TOP6BL: variants seen among roughly 807,000 people sequenced by gnomAD.
TOP6BL encodes the protein type 2 DNA topoisomerase 6 subunit B-like.
chr11:66,762,537 T>G, the TOP6BL span: 1 of 194,302 alleles, frequency 5.1e-6, no homozygotes, highest in African/African-American at 2.4e-5. Context: ...GGGCGAGATC[T>G]TGGTTCACTG....
At chr11:66,781,849 A>C in the TOP6BL span, among the ~76,000 whole-genome samples, 39 of 152,166 alleles carry the variant, frequency 2.6e-4, no homozygotes, top group African/African-American at 9.4e-4. Flanking sequence ...TGTTTCTATT[A>C]GTTGCTTTTT....
chr11:66,744,818 G>GC, the TOP6BL span: 285 of 1,292,588 alleles, frequency 2.2e-4, 2 homozygotes, highest in Non-Finnish European at 2.5e-4. Flanking sequence ...GGCTGAGGAG[G>GC]GGGCGGCGGC....
the TOP6BL span, among the ~76,000 whole-genome samples, chr11:66,792,539 G>C: frequency 1.2e-3 from 178 of 152,270 alleles, 1 homozygote; most frequent in African/African-American, 4.0e-3. Flanking sequence ...TTTTTGGAGA[G>C]GCAGCATTGG....
At chr11:66,825,341 A>G in the TOP6BL span, among the ~76,000 whole-genome samples, 5 of 150,914 alleles carry the variant, frequency 3.3e-5, no homozygotes, top group Non-Finnish European at 7.4e-5. Context: ...TACAAAAAAA[A>G]TTAGCCAGGC....
chr11:66,837,706 A>G, the TOP6BL span, among the ~76,000 whole-genome samples: 2 of 151,850 alleles, frequency 1.3e-5, no homozygotes, highest in Non-Finnish European at 2.9e-5. Flanking sequence ...CGGCCTCCCA[A>G]AGTGCTGGGA....
the TOP6BL span, among the ~76,000 whole-genome samples, chr11:66,829,469 G>A: frequency 2.0e-5 from 3 of 152,068 alleles, no homozygotes; most frequent in Non-Finnish European, 4.4e-5. Context: ...CAGCTACTTA[G>A]GAGGCTGAGG....
chr11:66,794,337 C>A, the TOP6BL span, among the ~76,000 whole-genome samples: 1 of 151,594 alleles, frequency 6.6e-6, no homozygotes, highest in African/African-American at 2.4e-5. Context: ...TTTTGGAGTT[C>A]TGCATTTTCT....
the TOP6BL span, among the ~76,000 whole-genome samples, chr11:66,789,186 T>A: frequency 6.6e-6 from 1 of 152,202 alleles, no homozygotes; most frequent in Non-Finnish European, 1.5e-5. Context: ...CAAGCCCTTA[T>A]TTGAATTTGG....
the TOP6BL span, among the ~76,000 whole-genome samples, chr11:66,798,080 G>C: frequency 6.6e-6 from 1 of 152,118 alleles, no homozygotes; most frequent in African/African-American, 2.4e-5. Flanking sequence ...TAAATAACTT[G>C]AAGAGTCAGG....
At chr11:66,756,621 T>G in the TOP6BL span, 6 of 794,462 alleles carry the variant, frequency 7.6e-6, no homozygotes, top group Non-Finnish European at 9.2e-6. Flanking sequence ...AAGATGACAG[T>G]AGAGACTTAT....
chr11:66,815,499 T>C, the TOP6BL span, among the ~76,000 whole-genome samples: 6 of 152,184 alleles, frequency 3.9e-5, no homozygotes, highest in Non-Finnish European at 5.9e-5. Flanking sequence ...AGAACAGGTT[T>C]TTTAGTCAGT....
At chr11:66,752,358 C>T in the TOP6BL span, among the ~76,000 whole-genome samples, 8 of 152,248 alleles carry the variant, frequency 5.3e-5, no homozygotes, top group African/African-American at 1.9e-4. Context: ...GCATTATTTT[C>T]TAACTTAAGG....
chr11:66,763,002 A>G, the TOP6BL span, among the ~76,000 whole-genome samples: 2 of 152,238 alleles, frequency 1.3e-5, no homozygotes, highest in African/African-American at 2.4e-5. Flanking sequence ...CCCAGTAGTT[A>G]GAGACTAGCC....
chr11:66,786,487 A>T, the TOP6BL span, among the ~76,000 whole-genome samples: 1 of 152,170 alleles, frequency 6.6e-6, no homozygotes, highest in African/African-American at 2.4e-5. Flanking sequence ...ACTGTAGTCA[A>T]CCTATCTGGA....
chr11:66,778,690 A>T, the TOP6BL span, among the ~76,000 whole-genome samples: 1 of 152,180 alleles, frequency 6.6e-6, no homozygotes, highest in African/African-American at 2.4e-5. Flanking sequence ...ACCAAAAAAG[A>T]ACCCGCATTG....
At chr11:66,839,139 A>T in the TOP6BL span, 2 of 456,304 alleles carry the variant, frequency 4.4e-6, no homozygotes, top group South Asian at 3.1e-5. Context: ...CAGTGCTTAA[A>T]CAGCCTTCCC....
chr11:66,745,032 A>G, the TOP6BL span: 5 of 1,118,644 alleles, frequency 4.5e-6, no homozygotes, highest in Non-Finnish European at 5.7e-6. Flanking sequence ...TGAAGGAGGA[A>G]GGTTCGGGAA....
At chr11:66,796,440 A>G in the TOP6BL span, 3 of 1,069,420 alleles carry the variant, frequency 2.8e-6, no homozygotes, top group South Asian at 1.5e-5. Context: ...TGTGTAGGAC[A>G]TGGACAGATG....
chr11:66,821,919 C>G, the TOP6BL span, among the ~76,000 whole-genome samples: 1 of 152,326 alleles, frequency 6.6e-6, no homozygotes, highest in Non-Finnish European at 1.5e-5. Context: ...ATCTAGCCTA[C>G]AACTCAAACT....
Sources: gnomAD v4.1 joint callset for allele counts (sites outside exome capture counted in the v4.1 genomes callset) on GRCh38, gnomAD v4.1.1 for gene constraint, MANE v1.5 for transcripts, NCBI Gene and HGNC (gene_info 2026-07-23, HGNC 2026-07-21) for gene names.